The following TET3 variants were observed in gnomAD, a reference collection of about 807,000 sequenced individuals.
TET3 encodes tet methylcytosine dioxygenase 3, also known as methylcytosine dioxygenase TET3.
TET3 carries 19 observed loss-of-function variants against 141.4 expected under a neutral mutation model. The observed-to-expected ratio is 0.13, with a 90% CI of 0.09 to 0.20. TET3 has a LOEUF of 0.20. Ranked by LOEUF, TET3 falls within the 10% of genes least tolerant of loss-of-function variation. The pLI is 1.00. For missense variants in TET3, 1,874 were observed against 2,356.9 expected, an observed-to-expected ratio of 0.80 and a Z score of 4.24; for synonymous variants, 1,043 against 980.9, an observed-to-expected ratio of 1.06 and a Z score of -1.18.
intron 6 of TET3, among the ~76,000 whole-genome samples, chr2:74,084,454 T>TCC (rs2104025029): frequency 6.7e-6 from 1 of 148,678 alleles, no homozygotes; most frequent in African/African-American, 2.5e-5. Flanking sequence ...CATGTCTCTC[T>TCC]CTTTTTTTTT....
chr2:74,065,370 A>G (rs1688823861), intron 4 of TET3, among the ~76,000 whole-genome samples: 1 of 152,180 alleles, frequency 6.6e-6, no homozygotes, highest in African/African-American at 2.4e-5. Context: ...GATTGTCCCA[A>G]ATTTGGCCAG....
intron 3 of TET3, among the ~76,000 whole-genome samples, chr2:74,020,400 C>G (rs1179795186): frequency 6.6e-6 from 1 of 152,150 alleles, no homozygotes; most frequent in Non-Finnish European, 1.5e-5. Context: ...CCAGGCTGGT[C>G]TTGATTTCTG....
Position 74,101,476 on chromosome 2 carries a change from A to G in TET3, c.4688A>G (p.Glu1563Gly). The change falls in exon 12 of 12, where the codon GAG (glutamate) becomes GGG (glycine). Residue 1563 changes from glutamate to glycine, a missense_variant. Glu to Gly is a moderately conservative substitution (Grantham distance 98, BLOSUM62 -2). Coordinates refer to ENST00000409262, the MANE Select transcript of TET3 (RefSeq NM_001287491.2). The surrounding 1 kb of genome is among the most constrained non-coding windows in gnomAD (Gnocchi z 8.5). ...QDKLWNPMKG[E>G]EGRIPAAGAS... ...AAGCTGTGGAACCCCATGAAAGGAG[A>G]GGAGGGCAGGATTCCAGCCGCAGGG... 6.2e-7 allele frequency: 1 copy of G among 1,613,368 alleles called. No individual in the cohort carries two copies. The highest frequency in any genetic ancestry group is 8.5e-7 in the Non-Finnish European group (1 of 1,179,734).
At chr2:74,061,511 A>G (rs1351636865) in intron 4 of TET3, among the ~76,000 whole-genome samples, 3 of 138,966 alleles carry the variant, frequency 2.2e-5, no homozygotes, top group African/African-American at 5.4e-5. Context: ...CTGGCTGGGC[A>G]GAGGGGCTCC....
chr2:74,043,977 C>T (rs906848465), intron 3 of TET3, among the ~76,000 whole-genome samples: 5 of 152,078 alleles, frequency 3.3e-5, no homozygotes, highest in Non-Finnish European at 5.9e-5. Flanking sequence ...CTGGGCAACA[C>T]AGCAAGACTC....
chr2:74,006,898 A>AG (rs756403858), intron 3 of TET3, among the ~76,000 whole-genome samples: 3 of 152,180 alleles, frequency 2.0e-5, no homozygotes, highest in Non-Finnish European at 4.4e-5. Context: ...TTAGGCAAAT[A>AG]GAAGGCAGGG....
rs192866065 is a variant in TET3, at chr2:74,030,044, A to G, written c.361-16234A>G. 7.9e-5 allele frequency among the ~76,000 whole-genome samples: 12 copies of G among 152,338 alleles called. No individual in the cohort carries two copies. The East Asian group carries it at 1.7e-3, about 22-fold the overall frequency. ...GGATCTAAGACAAAATCAAACGTCTAAAAAGTCCCTATCCAAGAGAAAGGA... is the reference window on the plus strand; with the variant it reads ...GGATCTAAGACAAAATCAAACGTCTGAAAAGTCCCTATCCAAGAGAAAGGA... On this transcript the variant is annotated intron_variant, in intron 3 of 11. Transcript: ENST00000409262.
rs1212766221 is a variant in TET3, at chr2:74,100,905, C to G, written c.4117C>G (p.Pro1373Ala). 1.2e-6 allele frequency: 2 copies of G among 1,610,352 alleles called. No homozygotes were observed. The highest frequency in any genetic ancestry group is 1.7e-6 in the Non-Finnish European group (2 of 1,178,488). Reference sequence around the variant, plus strand: ...CAAGGAGTATCTGCTTCCCAAGGCCCCCCTACTCCACTCAGTGTCCAGGGA... The same window carrying G: ...CAAGGAGTATCTGCTTCCCAAGGCCGCCCTACTCCACTCAGTGTCCAGGGA... ...GPKEYLLPKAPLLHSVSRDPS... is the reference protein window; with the variant it reads ...GPKEYLLPKAALLHSVSRDPS... The change falls in exon 12 of 12, where the codon CCC becomes GCC. Residue 1373 changes from proline to alanine, a missense_variant. Pro to Ala is a conservative substitution (Grantham distance 27, BLOSUM62 -1). Coordinates refer to ENST00000409262, the MANE Select transcript of TET3 (RefSeq NM_001287491.2).
In TET3 at chr2:74,047,321, C is replaced by T; in HGVS notation, c.1404C>T (p.Gly468=). 1 of 1,614,022 alleles carries T rather than the reference C, an allele frequency of 6.2e-7. No individual in the cohort carries two copies. The highest frequency in any genetic ancestry group is 8.5e-7 in the Non-Finnish European group (1 of 1,179,892). ...TGGCTGAACTGGAGCAGTTGTTGGG[C>T]AGCGCCAGTGATTACATCCAGTCAG... The part of the protein sequence containing the change: ...DPMAELEQLL[G]SASDYIQSVF... The change falls in exon 4 of 12, where the codon GGC becomes GGT. Residue 468 remains glycine, a synonymous_variant. Transcript: ENST00000409262.
intron 3 of TET3, among the ~76,000 whole-genome samples, chr2:74,015,186 TAGAG>T (rs1685664112): frequency 6.6e-6 from 1 of 152,062 alleles, no homozygotes; most frequent in African/African-American, 2.4e-5. Flanking sequence ...CCTAACTCCT[TAGAG>T]AGCCGTGATG....
At chr2:74,085,860 T>C (rs144413068) in intron 6 of TET3, among the ~76,000 whole-genome samples, 1 of 152,272 alleles carries the variant, frequency 6.6e-6, no homozygotes, top group East Asian at 1.9e-4. Flanking sequence ...CCATGCCCAC[T>C]CAGTCTCCTG....
At chr2:74,055,100 A>G (rs752016871) in intron 4 of TET3, among the ~76,000 whole-genome samples, 1 of 152,002 alleles carries the variant, frequency 6.6e-6, no homozygotes, top group Non-Finnish European at 1.5e-5. Flanking sequence ...GGGTCTTGCC[A>G]TGTTGCCCAG....
intron 3 of TET3, among the ~76,000 whole-genome samples, chr2:74,040,714 C>A (rs1385339384): frequency 6.6e-6 from 1 of 152,084 alleles, no homozygotes; most frequent in East Asian, 1.9e-4. Context: ...TGGTTTGACA[C>A]CAGCCTGGAC....
downstream of TET3, among the ~76,000 whole-genome samples, chr2:74,112,159 A>G (rs1691719250): frequency 6.6e-6 from 1 of 152,144 alleles, no homozygotes; most frequent in Non-Finnish European, 1.5e-5. Flanking sequence ...TACAGCTCTC[A>G]GGATAAGACA....
intron 3 of TET3, among the ~76,000 whole-genome samples, chr2:74,007,389 G>C (rs1275116344): frequency 6.6e-6 from 1 of 152,216 alleles, no homozygotes; most frequent in African/African-American, 2.4e-5. Context: ...CAATGACAGA[G>C]GAGGGCAGTG....
the TET3 span, chr2:74,134,878 G>A: frequency 2.4e-6 from 1 of 419,596 alleles, no homozygotes; most frequent in Non-Finnish European, 4.9e-6. Flanking sequence ...GCTGCAGCAG[G>A]AATGGATGTC....
At chr2:74,060,413 G>A (rs904661471) in intron 4 of TET3, among the ~76,000 whole-genome samples, 9 of 152,136 alleles carry the variant, frequency 5.9e-5, no homozygotes, top group South Asian at 2.1e-4. Flanking sequence ...AGCTGGATAC[G>A]TGTATTGCAG....
At position 74,104,614 on chromosome 2, in the gene TET3, C is replaced by T. The variant is rs992650021; in HGVS notation, c.*2438C>T. On this transcript the variant is annotated 3_prime_UTR_variant, in exon 12 of 12. Coordinates refer to ENST00000409262, the MANE Select transcript of TET3 (RefSeq NM_001287491.2). ...CCGTCTGTATGACCCGTGGAAGCCC[C>T]AGGTTGGCTGTTGGTTTGGAAGGTC... 2 of 152,232 alleles carry T rather than the reference C, an allele frequency of 1.3e-5. No individual in the cohort carries two copies. The highest frequency in any genetic ancestry group is 3.8e-4 in the East Asian group (2 of 5,206). 9.4% of individuals were successfully genotyped at this position (152,232 alleles called of 1,614,324 possible). A position where few individuals can be genotyped will look rare whatever the true frequency, so the allele number is the denominator to read the frequency against.
the TET3 span, chr2:74,121,500 G>C: frequency 6.6e-6 from 1 of 152,164 alleles, no homozygotes; most frequent in South Asian, 2.1e-4. Flanking sequence ...AGACATCTGA[G>C]GACTACACTC....
Sources: allele counts gnomAD v4.1 joint callset (sites outside exome capture counted in the v4.1 genomes callset), GRCh38; gene constraint gnomAD v4.1.1; non-coding constraint Gnocchi (gnomAD v3.1); transcripts MANE v1.5; gene names NCBI Gene and HGNC (gene_info 2026-07-23, HGNC 2026-07-21).